The following ZNF432 variants were observed in gnomAD, a reference collection of about 807,000 sequenced individuals.
ZNF432 encodes the protein zinc finger protein 432.
Under a neutral mutation model 13.9 loss-of-function variants are expected in ZNF432, and 10 were observed. That is an observed-to-expected ratio of 0.72 (90% CI 0.44 to 1.22). The LOEUF is 1.22. ZNF432 is among the 50% of genes most tolerant of loss of function. The pLI is 0.00. For missense variants in ZNF432, 793 were observed against 796.2 expected (o/e 1.00, Z 0.05); for synonymous variants, 247 against 256.2 (o/e 0.96, Z 0.34).
Position 52,033,049 on chromosome 19 carries a change from C to G in ZNF432, c.*671G>C, listed in dbSNP as rs2087031025. 6.6e-6 allele frequency: 1 copy of G among 152,178 alleles called. No individual in the cohort carries two copies. The highest frequency in any genetic ancestry group is 2.4e-5 in the African/African-American group (1 of 41,444). The allele number at this position is 152,178 out of a possible 1,614,324, so 9.4% of individuals were successfully genotyped here. On this transcript the variant is annotated 3_prime_UTR_variant, in exon 5 of 5. Transcript: ENST00000221315. Reference sequence around the variant, plus strand: ...TCCCATAGAAGGCTTTCCTAGCCTACTCCTTTGTAAGATTTATCTCAGTAA... The same window carrying G: ...TCCCATAGAAGGCTTTCCTAGCCTAGTCCTTTGTAAGATTTATCTCAGTAA...
In ZNF432 at chr19:52,033,736, T is replaced by C; in HGVS notation, c.1943A>G (p.Asn648Ser). 10 of 1,590,298 alleles carry C rather than the reference T, an allele frequency of 6.3e-6. No homozygotes were observed. Among genetic ancestry groups the C allele is most frequent in the Non-Finnish European group, 8.5e-6 (10 of 1,169,998 alleles). Residue 648 changes from asparagine (N) to serine (S), a missense_variant, in exon 5 of 5, where the codon AAT (asparagine) becomes AGT (serine). Physicochemically the swap from Asn to Ser is conservative, Grantham distance 46. Transcript: ENST00000221315. ...ACTGCATTGTCAGGGTTTGTTTCCA[T>C]TATGAGTTCGCTGATGTACAATGAG... ...RNLIVHQRTH[N>S]GNKP
In ZNF432 at chr19:52,032,284, CTG is replaced by C. The variant is rs1464952288; in HGVS notation, c.*1434_*1435del. On this transcript the variant is annotated 3_prime_UTR_variant, in exon 5 of 5. Coordinates refer to ENST00000221315, the MANE Select transcript of ZNF432 (RefSeq NM_014650.4). The stretch of plus-strand genomic sequence containing the variant: ...AACACCAGATTGGCACAGAAAACAC[CTG>C]TGTTATATATAGGATTAAAATTTAA... 2 of 151,946 alleles carry C rather than the reference CTG, an allele frequency of 1.3e-5. No homozygotes were observed. The highest frequency in any genetic ancestry group is 2.9e-5 in the Non-Finnish European group (2 of 68,016). The allele number at this position is 151,946 out of a possible 1,614,324, so 9.4% of individuals were successfully genotyped here.
At chr19:52,036,909 G>C (rs1015289841) in intron 4 of ZNF432, among the ~76,000 whole-genome samples, 4 of 152,148 alleles carry the variant, frequency 2.6e-5, no homozygotes, top group Admixed American at 6.5e-5. Context: ...GGGCTCAAGT[G>C]ATCTGCCCAC....
In ZNF432 at chr19:52,034,763, CAAT is replaced by C. The variant is rs2087058695; in HGVS notation, c.913_915del (p.Ile305del). ...TCTCCAGTATGATTTCGCTGATGTA[CAAT>C]GAGATTACGCTTGCCTGGGAAGCCT... On this transcript the variant is annotated inframe_deletion, in exon 5 of 5. Transcript: ENST00000221315. The C allele has an allele frequency of 6.2e-7, 1 of 1,612,592 alleles. No homozygotes were observed. The highest frequency in any genetic ancestry group is 8.5e-7 in the Non-Finnish European group (1 of 1,179,450).
At position 52,041,484 on chromosome 19, in the gene ZNF432, T is replaced by C. The variant is rs972701665; in HGVS notation, c.138A>G (p.Ser46=). 2 of 1,601,998 alleles carry C rather than the reference T, an allele frequency of 1.2e-6. No homozygotes were observed. Among genetic ancestry groups the C allele is most frequent in the Non-Finnish European group, 1.7e-6 (2 of 1,173,504 alleles). Reference sequence around the variant, plus strand: ...ACACAGAGCAGCTGTCCTCACCCATTGATAGCAGGTTGCTGTAGATCTCCA... The same window carrying C: ...ACACAGAGCAGCTGTCCTCACCCATCGATAGCAGGTTGCTGTAGATCTCCA... ...VMLEIYSNLL[S]MGYQVSKPDA... is the part of the protein sequence containing the mutation. The change falls in exon 3 of 5, where the codon TCA becomes TCG. Residue 46 remains serine, a synonymous_variant. Coordinates refer to ENST00000221315, the MANE Select transcript of ZNF432 (RefSeq NM_014650.4).
In ZNF432 at chr19:52,040,571, C is replaced by A. The variant is rs2087125252; in HGVS notation, c.155G>T (p.Ser52Ile). The change falls in exon 4 of 5, where the codon AGC (serine) becomes ATC (isoleucine). Residue 52 changes from serine (S) to isoleucine (I), a missense_variant. Ser to Ile is a moderately radical substitution (Grantham distance 142, BLOSUM62 -2). Transcript: ENST00000221315. ...CAACTTGGAGAGTGCATCTGGTTTG[C>A]TGACTTGATAACCTGTTTACGGGAA... Reference protein sequence around the residue: ...SNLLSMGYQVSKPDALSKLER... With the variant: ...SNLLSMGYQVIKPDALSKLER... 2 of 1,614,022 alleles carry A rather than the reference C, an allele frequency of 1.2e-6. No individual in the cohort carries two copies. The highest frequency in any genetic ancestry group is 1.7e-6 in the Non-Finnish European group (2 of 1,179,934).
rs1473552128 is a variant in ZNF432, at chr19:52,031,968, A to G, written c.*1752T>C. 1 of 152,142 alleles carries G rather than the reference A, an allele frequency of 6.6e-6. No individual in the cohort carries two copies. The highest frequency in any genetic ancestry group is 1.5e-5 in the Non-Finnish European group (1 of 68,028). 9.4% of individuals were successfully genotyped at this position (152,142 alleles called of 1,614,324 possible). On this transcript the variant is annotated 3_prime_UTR_variant, in exon 5 of 5. Transcript: ENST00000221315. The stretch of plus-strand genomic sequence containing the variant: ...GCCAAGATCGTGCTATTACACTCCA[A>G]CCTGGGCAACAAGAGCAGAACTCCG...
At chr19:52,041,262 G>A (rs2087134123) in intron 3 of ZNF432, among the ~76,000 whole-genome samples, 1 of 152,126 alleles carries the variant, frequency 6.6e-6, no homozygotes, top group African/African-American at 2.4e-5. Flanking sequence ...CATTTTATAT[G>A]AGACTTGAGC....
At chr19:52,045,352 C>CA (rs2087170939) in intron 2 of ZNF432, among the ~76,000 whole-genome samples, 2 of 107,538 alleles carry the variant, frequency 1.9e-5, no homozygotes, top group African/African-American at 3.8e-5. Flanking sequence ...CTTTTTTTAC[C>CA]TTTTTTTTTT....
intron 2 of ZNF432, among the ~76,000 whole-genome samples, chr19:52,043,325 C>T (rs1027652955): frequency 1.3e-5 from 2 of 152,160 alleles, no homozygotes; most frequent in Non-Finnish European, 1.5e-5. Context: ...GGATTAAGGG[C>T]GGTGCAAGAT....
At chr19:52,044,888 T>G (rs1476548560) in intron 2 of ZNF432, among the ~76,000 whole-genome samples, 1 of 152,232 alleles carries the variant, frequency 6.6e-6, no homozygotes, top group Non-Finnish European at 1.5e-5. Flanking sequence ...TATTCCTTTA[T>G]ATTCTAAAAC....
Position 52,035,423 on chromosome 19 carries a change from C to G in ZNF432, c.256G>C (p.Asp86His), listed in dbSNP as rs779755314. 1 of 1,546,918 alleles carries G rather than the reference C, an allele frequency of 6.5e-7. No individual in the cohort carries two copies. The highest frequency in any genetic ancestry group is 1.2e-5 in the South Asian group (1 of 80,138). ...RICPENNEVD[D>H]HLQDHLENQR... is the part of the protein sequence containing the mutation. ...TTTTCCAAGTGATCCTGCAGATGATCATCAACTTCGTTGTTTTCTAGGAAA... is the reference window on the plus strand; with the variant it reads ...TTTTCCAAGTGATCCTGCAGATGATGATCAACTTCGTTGTTTTCTAGGAAA... The change falls in exon 5 of 5, where the codon GAT becomes CAT. Residue 86 changes from aspartate to histidine, a missense_variant. Coordinates refer to ENST00000221315, the MANE Select transcript of ZNF432 (RefSeq NM_014650.4).
At chr19:52,035,524 T>C in intron 4 of ZNF432, 84 bp from the exon 5 acceptor site, 1 of 1,096,946 alleles carries the variant, frequency 9.1e-7, no homozygotes, top group Non-Finnish European at 1.3e-6. Flanking sequence ...CCTTGGTGTT[T>C]TATTTTGTTT....
chr19:52,035,503 G>GA (rs890035301), intron 4 of ZNF432, 63 bp from the exon 5 acceptor site: 694 of 1,283,686 alleles, frequency 5.4e-4, no homozygotes, highest in Non-Finnish European at 6.0e-4. Flanking sequence ...TGTCTTCTTA[G>GA]AAAAAAAAAT....
intron 1 of ZNF432, among the ~76,000 whole-genome samples, chr19:52,047,753 AAGG>A (rs2123165352): frequency 6.6e-6 from 1 of 152,206 alleles, no homozygotes; most frequent in East Asian, 1.9e-4. Flanking sequence ...AGACAGAGAA[AAGG>A]AATACGAGTT....
In ZNF432 at chr19:52,039,087, C is replaced by T. The variant is rs117898168; in HGVS notation, c.238+1401G>A. On this transcript the variant is annotated intron_variant, in intron 4 of 4. Coordinates refer to ENST00000221315, the MANE Select transcript of ZNF432 (RefSeq NM_014650.4). ...CCACCAAAGGCTCAAGTGAACTTCC[C>T]TAGTTGTCAATACTCTGTACTGTCA... Among the ~76,000 whole-genome samples, 3 of 152,332 alleles carry T rather than the reference C, an allele frequency of 2.0e-5. No individual in the cohort carries two copies. In the East Asian group the frequency reaches 5.8e-4, roughly 29 times the overall value.
intron 4 of ZNF432, among the ~76,000 whole-genome samples, chr19:52,037,417 A>C (rs755166331): frequency 6.6e-6 from 1 of 152,220 alleles, no homozygotes; most frequent in South Asian, 2.1e-4. Flanking sequence ...CCAGTGTACC[A>C]TGTAGTTGCC....
At position 52,035,640 on chromosome 19, in the gene ZNF432, C is replaced by A. The variant is rs7253999; in HGVS notation, c.239-200G>T. ...CTCCGCCTCCTGGGTTCAACCAATT[C>A]TCCTGCCTCAGCCTCCCAAGTAGCT... is the stretch of plus-strand genomic sequence containing the variant. On this transcript the variant is annotated intron_variant, in intron 4 of 4. Transcript: ENST00000221315. Among the ~76,000 whole-genome samples the A allele has an allele frequency of 8.0e-3, 1,221 of 152,310 alleles. 20 individuals carry two copies. Among genetic ancestry groups the A allele is most frequent in the African/African-American group, 0.028 (1,166 of 41,580 alleles).
At chr19:52,046,092 A>G (rs2087179928) in intron 2 of ZNF432, among the ~76,000 whole-genome samples, 1 of 151,440 alleles carries the variant, frequency 6.6e-6, no homozygotes, top group African/African-American at 2.4e-5. Context: ...CAATATAAGT[A>G]TGCAAGAATT....
Sources: allele counts gnomAD v4.1 joint callset (sites outside exome capture counted in the v4.1 genomes callset), GRCh38; gene constraint gnomAD v4.1.1; transcripts MANE v1.5; gene names NCBI Gene and HGNC (gene_info 2026-07-23, HGNC 2026-07-21).